The following CHIC2 variants were observed in gnomAD, a reference collection of about 807,000 sequenced individuals.
CHIC2 encodes the protein cysteine-rich hydrophobic domain-containing protein 2.
A neutral mutation model predicts 25.9 loss-of-function variants in CHIC2; 14 were observed. The observed-to-expected ratio is 0.54, with a 90% CI of 0.36 to 0.85. The LOEUF (loss-of-function observed/expected upper bound fraction) is 0.85, where lower values mean the gene tolerates loss of function less well. CHIC2 is among the 40% of genes least tolerant of loss of function. The probability of loss-of-function intolerance (pLI) is 0.01; values close to 1 mark genes in which losing one functional copy is unlikely to be tolerated. For synonymous variants in CHIC2, 70 were observed against 72.0 expected (o/e 0.97, Z 0.14); for missense variants, 146 against 202.0 (o/e 0.72, Z 1.68).
intron 3 of CHIC2, among the ~76,000 whole-genome samples, chr4:54,037,410 T>C (rs1017062454): frequency 1.3e-5 from 2 of 152,078 alleles, no homozygotes; most frequent in African/African-American, 2.4e-5. Flanking sequence ...CATTGTATGA[T>C]TTCATTTAGA....
At chr4:54,073,212 G>T in the CHIC2 span, among the ~76,000 whole-genome samples, 1 of 152,118 alleles carries the variant, frequency 6.6e-6, no homozygotes, top group Admixed American at 6.5e-5. Flanking sequence ...ATCAGCCTTG[G>T]TTTGGTCAAC....
chr4:54,090,158 T>C, the CHIC2 span, among the ~76,000 whole-genome samples: 1 of 152,024 alleles, frequency 6.6e-6, no homozygotes, highest in Admixed American at 6.6e-5. Context: ...TCAATCTGTA[T>C]AAATTATACA....
intron 3 of CHIC2, among the ~76,000 whole-genome samples, chr4:54,015,793 T>C (rs1233395010): frequency 6.6e-6 from 1 of 152,220 alleles, no homozygotes; most frequent in Non-Finnish European, 1.5e-5. Context: ...ATTCCAATAG[T>C]TGTTTAAGCA....
chr4:54,046,330 C>A (rs1716810844), intron 3 of CHIC2, among the ~76,000 whole-genome samples: 1 of 152,088 alleles, frequency 6.6e-6, no homozygotes, highest in South Asian at 2.1e-4. Flanking sequence ...CAAAAAAGAG[C>A]CCGCATCGCC....
intron 3 of CHIC2, among the ~76,000 whole-genome samples, chr4:54,034,181 G>A (rs914756407): frequency 6.6e-6 from 1 of 152,088 alleles, no homozygotes; most frequent in Non-Finnish European, 1.5e-5. Flanking sequence ...GAGGTGGACA[G>A]ATCACCTCAG....
At chr4:54,026,108 A>G (rs1319400507) in intron 3 of CHIC2, among the ~76,000 whole-genome samples, 2 of 152,222 alleles carry the variant, frequency 1.3e-5, no homozygotes, top group Admixed American at 6.5e-5. Context: ...ACAGAGGTGA[A>G]GAAATGTAAA....
rs187279916 is a variant in CHIC2, at chr4:54,042,953, C to T, written c.330+6002G>A. The stretch of plus-strand genomic sequence containing the variant: ...AAAGAGAATTTGATCATCCATACTT[C>T]CTACTCTTATTGGTTGTCAAAATGT... On this transcript the variant is annotated intron_variant, in intron 3 of 5. Coordinates refer to ENST00000263921, the MANE Select transcript of CHIC2 (RefSeq NM_012110.4). 5.7e-3 allele frequency among the ~76,000 whole-genome samples: 873 copies of T among 152,242 alleles called. 16 individuals carry two copies. Among genetic ancestry groups the T allele is most frequent in the Non-Finnish European group, 5.6e-3 (378 of 68,020 alleles).
At chr4:54,075,208 A>T in the CHIC2 span, among the ~76,000 whole-genome samples, 4 of 152,244 alleles carry the variant, frequency 2.6e-5, no homozygotes, top group African/African-American at 9.6e-5. Flanking sequence ...GACATTAAGC[A>T]CATAAAGAGA....
At chr4:54,071,445 A>T in the CHIC2 span, among the ~76,000 whole-genome samples, 1 of 152,252 alleles carries the variant, frequency 6.6e-6, no homozygotes, top group Non-Finnish European at 1.5e-5. Context: ...TACCGTTTTC[A>T]TCCCTGTTTT....
intron 3 of CHIC2, among the ~76,000 whole-genome samples, chr4:54,034,360 C>T (rs1716318535): frequency 1.3e-5 from 2 of 151,696 alleles, no homozygotes; most frequent in Admixed American, 6.6e-5. Flanking sequence ...GCTGAGATCA[C>T]ACCAATCCAG....
At chr4:54,074,320 G>A in the CHIC2 span, among the ~76,000 whole-genome samples, 3 of 152,228 alleles carry the variant, frequency 2.0e-5, no homozygotes, top group South Asian at 6.2e-4. Flanking sequence ...AGATCTGAGA[G>A]GCACAAGCAC....
chr4:54,073,324 A>G, the CHIC2 span, among the ~76,000 whole-genome samples: 1 of 152,224 alleles, frequency 6.6e-6, no homozygotes, highest in African/African-American at 2.4e-5. Context: ...CTTGTGTGCA[A>G]GCCATTCTAT....
At chr4:54,063,403 C>T (rs1429988090) in intron 1 of CHIC2, among the ~76,000 whole-genome samples, 1 of 152,186 alleles carries the variant, frequency 6.6e-6, no homozygotes, top group Non-Finnish European at 1.5e-5. Context: ...CAAGGCTTCA[C>T]ATTCCTTTGT....
At chr4:54,032,637 A>G (rs533105271) in intron 3 of CHIC2, among the ~76,000 whole-genome samples, 20 of 152,122 alleles carry the variant, frequency 1.3e-4, no homozygotes, top group Non-Finnish European at 2.8e-4. Flanking sequence ...GAAAATTTAT[A>G]TACCTAATTA....
chr4:54,064,707 G>A (rs1052359856), upstream of CHIC2: 2 of 983,872 alleles, frequency 2.0e-6, no homozygotes, highest in Non-Finnish European at 2.4e-6. The surrounding 1 kb of genome is among the most constrained non-coding windows in gnomAD (Gnocchi z 4.2). Flanking sequence ...GCGCGTGGGC[G>A]AGCGGACTGG....
At chr4:54,042,651 C>T (rs956935734) in intron 3 of CHIC2, among the ~76,000 whole-genome samples, 9 of 151,900 alleles carry the variant, frequency 5.9e-5, no homozygotes, top group South Asian at 4.2e-4. Flanking sequence ...GAAATGCCCA[C>T]ATAGCAGAAG....
At chr4:54,069,785 GA>G in the CHIC2 span, among the ~76,000 whole-genome samples, 1 of 152,184 alleles carries the variant, frequency 6.6e-6, no homozygotes, top group Admixed American at 6.5e-5. Context: ...GCTGACTTGA[GA>G]AAGCATATAA....
At position 54,045,499 on chromosome 4, in the gene CHIC2, G is replaced by A. The variant is rs1312215201; in HGVS notation, c.330+3456C>T. Among the ~76,000 whole-genome samples, 19 of 152,148 alleles carry A rather than the reference G, an allele frequency of 1.2e-4. No individual in the cohort carries two copies. In the East Asian group the frequency reaches 2.7e-3, roughly 22 times the overall value. ...GGGATGCAAGGCTGGTTCAACATAC[G>A]AAAATCAATAAACGTAATCCAGCAT... On this transcript the variant is annotated intron_variant, in intron 3 of 5. Coordinates refer to ENST00000263921, the MANE Select transcript of CHIC2 (RefSeq NM_012110.4).
At chr4:54,049,164 T>C (rs1428933170) in intron 2 of CHIC2, 54 bp from the exon 3 acceptor site, 4 of 1,571,768 alleles carry the variant, frequency 2.5e-6, no homozygotes, top group Non-Finnish European at 3.5e-6. Flanking sequence ...TCAAAAAACA[T>C]GACTGATGAG....
Sources: gnomAD v4.1 joint callset for allele counts (sites outside exome capture counted in the v4.1 genomes callset) on GRCh38, gnomAD v4.1.1 for gene constraint, Gnocchi (gnomAD v3.1) non-coding constraint, MANE v1.5 for transcripts, NCBI Gene and HGNC (gene_info 2026-07-23, HGNC 2026-07-21) for gene names.